The following ZDHHC13 variants were observed in gnomAD, a reference collection of about 807,000 sequenced individuals.
ZDHHC13 encodes the protein zDHHC palmitoyltransferase 13.
ZDHHC13 carries 85 observed loss-of-function variants against 86.0 expected under a neutral mutation model. The ratio of observed to expected loss-of-function variants is 0.99; its 90% CI spans 0.83 to 1.18. The LOEUF is 1.18. Among genes scored for constraint, ZDHHC13 ranks in the 50% most tolerant of loss-of-function variants. The pLI is 0.00. For missense variants in ZDHHC13, 711 were observed against 730.2 expected (o/e 0.97, Z 0.30); for synonymous variants, 263 against 246.4 (o/e 1.07, Z -0.63).
At chr11:19,144,759 G>A (rs1242238904) in intron 2 of ZDHHC13, among the ~76,000 whole-genome samples, 1 of 152,116 alleles carries the variant, frequency 6.6e-6, no homozygotes, top group African/African-American at 2.4e-5. Context: ...GAACTTTCAG[G>A]TAGTTTTAAG....
chr11:19,175,762 G>A (rs546543970), intron 16 of ZDHHC13, 60 bp from the exon 17 acceptor site: 2 of 1,579,070 alleles, frequency 1.3e-6, no homozygotes, highest in East Asian at 2.2e-5. Flanking sequence ...CTCCATAAAT[G>A]TTTGTCAAGC....
Position 19,137,110 on chromosome 11 carries a change from G to A in ZDHHC13, c.28-5868G>A, listed in dbSNP as rs1176887554. On this transcript the variant is annotated intron_variant, in intron 1 of 16. Transcript: ENST00000446113. ...ATGGACTAAATGCTCCAATTAAAAG[G>A]CACAGACTGGCAAATTGGATAAAGA... Among the ~76,000 whole-genome samples, 831 of 151,752 alleles carry A rather than the reference G, an allele frequency of 5.5e-3. 8 individuals carry two copies. Among genetic ancestry groups the A allele is most frequent in the African/African-American group, 0.019 (780 of 41,112 alleles).
Position 19,146,162 on chromosome 11 carries a change from T to A in ZDHHC13, c.174-19T>A, listed in dbSNP as rs765041294. ...TGATTTTAATTGTATCAATTATGCT[T>A]TTTTTTTTCTTCTTTGAGATACGGA... On this transcript the variant is annotated intron_variant, in intron 2 of 16. Transcript: ENST00000446113. The A allele has an allele frequency of 5.8e-6, 9 of 1,543,120 alleles. No homozygotes were observed. The African/African-American group carries it at 1.3e-4, about 22-fold the overall frequency.
intron 5 of ZDHHC13, among the ~76,000 whole-genome samples, 181 bp from the exon 6 acceptor site, chr11:19,150,546 G>A (rs1042220788): frequency 2.0e-5 from 3 of 151,974 alleles, no homozygotes; most frequent in African/African-American, 7.2e-5. Context: ...ATATTCTGTG[G>A]AAATCCATGG....
intron 10 of ZDHHC13, among the ~76,000 whole-genome samples, chr11:19,162,609 A>G (rs955273312): frequency 6.6e-6 from 1 of 152,098 alleles, no homozygotes; most frequent in Non-Finnish European, 1.5e-5. Flanking sequence ...CTTCTATGTG[A>G]GGTGATAGGG....
Position 19,133,940 on chromosome 11 carries a change from T to TACAC in ZDHHC13, c.28-9037_28-9036insCACA, listed in dbSNP as rs1157763729. Among the ~76,000 whole-genome samples, 126 of 73,898 alleles carry TACAC rather than the reference T, an allele frequency of 1.7e-3. 3 individuals carry two copies. The highest frequency in any genetic ancestry group is 4.0e-3 in the Non-Finnish European group (100 of 25,090). 48.5% of individuals were successfully genotyped at this position (73,898 alleles called of 152,430 possible). ...AAGTCCATATATATATATATATATA[T>TACAC]ATACACGTATGTGTTTTATATACTT... On this transcript the variant is annotated intron_variant, in intron 1 of 16. Coordinates refer to ENST00000446113, the MANE Select transcript of ZDHHC13 (RefSeq NM_019028.3).
chr11:19,131,823 G>C (rs1273617171), intron 1 of ZDHHC13, among the ~76,000 whole-genome samples: 1 of 151,964 alleles, frequency 6.6e-6, no homozygotes, highest in Admixed American at 6.6e-5. Context: ...TAGTAGAGAC[G>C]GGGTTTCACC....
chr11:19,170,411 A>G lies in ZDHHC13; in HGVS notation c.1475A>G (p.Tyr492Cys), dbSNP rs1457732294. ...CGWIIYGSFI[Y>C]LSSHCATTFK... ...TTTTTTTTTTTTGGTGAATTCACAG[A>G]TTTGTCCAGTCATTGTGCCACAACA... Residue 492 changes from tyrosine (Y) to cysteine (C), a missense_variant and splice_region_variant, in exon 15 of 17, where the codon TAT (tyrosine) becomes TGT (cysteine). By Grantham distance (194) the Tyr-to-Cys change is radical (BLOSUM62 -2). Coordinates refer to ENST00000446113, the MANE Select transcript of ZDHHC13 (RefSeq NM_019028.3). 3.6e-6 allele frequency: 5 copies of G among 1,391,844 alleles called. No homozygotes were observed. The highest frequency in any genetic ancestry group is 3.0e-5 in the East Asian group (1 of 32,950). 86.2% of individuals were successfully genotyped at this position (1,391,844 alleles called of 1,614,324 possible).
chr11:19,150,099 A>C (rs2133423702), intron 5 of ZDHHC13, among the ~76,000 whole-genome samples: 1 of 152,302 alleles, frequency 6.6e-6, no homozygotes, highest in African/African-American at 2.4e-5. Context: ...GCCCATAAGA[A>C]TCTTCAGAAG....
Position 19,152,250 on chromosome 11 carries a change from C to G in ZDHHC13, c.677C>G (p.Ala226Gly), listed in dbSNP as rs568463907. 2.5e-6 allele frequency: 4 copies of G among 1,613,336 alleles called. No individual in the cohort carries two copies. The highest frequency in any genetic ancestry group is 2.7e-5 in the African/African-American group (2 of 75,008). ...HQNTPLHWAVAAGNVNAVDKL... is the reference protein window; with the variant it reads ...HQNTPLHWAVGAGNVNAVDKL... ...AACACTCCACTTCACTGGGCAGTTGCAGCAGGAAATGTTAATGCAGTTGAT... is the reference window on the plus strand; with the variant it reads ...AACACTCCACTTCACTGGGCAGTTGGAGCAGGAAATGTTAATGCAGTTGAT... The change falls in exon 7 of 17, where the codon GCA (alanine) becomes GGA (glycine). Residue 226 changes from alanine to glycine, a missense_variant. By Grantham distance (60) the Ala-to-Gly change is moderately conservative. Transcript: ENST00000446113.
At chr11:19,124,232 G>T (rs772644375) in intron 1 of ZDHHC13, among the ~76,000 whole-genome samples, 1 of 152,012 alleles carries the variant, frequency 6.6e-6, no homozygotes, top group African/African-American at 2.4e-5. Context: ...AAAGCAAGTT[G>T]AAGAATAATG....
In ZDHHC13 at chr11:19,144,432, AGTGTGTGTGTGTGT is replaced by A. The variant is rs142248923; in HGVS notation, c.173+1330_173+1343del. ...CTGGGAAGGGCATAGAGAGCTATGGAGTGTGTGTGTGTGTGTGTGTGTGTGTGTGTGTGTTTTCT... is the reference window on the plus strand; with the variant it reads ...CTGGGAAGGGCATAGAGAGCTATGGAGTGTGTGTGTGTGTGTGTGTTTTCT... On this transcript the variant is annotated intron_variant, in intron 2 of 16. Transcript: ENST00000446113. 1.4e-4 allele frequency among the ~76,000 whole-genome samples: 20 copies of A among 143,174 alleles called. No homozygotes were observed. The East Asian group carries it at 3.9e-3, about 28-fold the overall frequency. The allele number at this position is 143,174 out of a possible 152,430, so 93.9% of individuals were successfully genotyped here.
In ZDHHC13 at chr11:19,155,929, G is replaced by A; in HGVS notation, c.1007G>A (p.Arg336Lys). Residue 336 changes from arginine to lysine, a missense_variant and splice_region_variant, in exon 9 of 17, where the codon AGG becomes AAG. By Grantham distance (26) the Arg-to-Lys change is conservative. Coordinates refer to ENST00000446113, the MANE Select transcript of ZDHHC13 (RefSeq NM_019028.3). Reference protein sequence around the residue: ...TLFFLTSLFPRFLVGYKNLVY... With the variant: ...TLFFLTSLFPKFLVGYKNLVY... Reference sequence around the variant, plus strand: ...TTTTTTCTGACATCTTTGTTTCCAAGGTGTGTATGTTAATTTTTGCAAGGC... The same window carrying A: ...TTTTTTCTGACATCTTTGTTTCCAAAGTGTGTATGTTAATTTTTGCAAGGC... 1 of 1,597,568 alleles carries A rather than the reference G, an allele frequency of 6.3e-7. No homozygotes were observed. Among genetic ancestry groups the A allele is most frequent in the Non-Finnish European group, 8.5e-7 (1 of 1,176,190 alleles).
chr11:19,164,400 G>A, intron 12 of ZDHHC13, 37 bp downstream of exon 12: 6 of 1,591,482 alleles, frequency 3.8e-6, no homozygotes, highest in Non-Finnish European at 5.2e-6. Flanking sequence ...CGTAGTGAAA[G>A]CAAAGTCTTG....
At chr11:19,160,553 A>G (rs1849881801) in intron 10 of ZDHHC13, among the ~76,000 whole-genome samples, 1 of 151,994 alleles carries the variant, frequency 6.6e-6, no homozygotes, top group South Asian at 2.1e-4. Flanking sequence ...ACCAATCCAT[A>G]TGGCAGTGGA....
At chr11:19,169,805 C>G (rs1387861944) in intron 14 of ZDHHC13, 12 of 985,512 alleles carry the variant, frequency 1.2e-5, no homozygotes, top group Non-Finnish European at 1.4e-5. Flanking sequence ...TGAGCTGTGA[C>G]CATCTGAATC....
intron 16 of ZDHHC13, among the ~76,000 whole-genome samples, chr11:19,175,084 G>C (rs979178728): frequency 6.6e-6 from 1 of 152,070 alleles, no homozygotes; most frequent in African/African-American, 2.4e-5. Context: ...TTCATTTAGA[G>C]AGTTACTTAT....
At chr11:19,126,476 A>T (rs1848880027) in intron 1 of ZDHHC13, among the ~76,000 whole-genome samples, 1 of 142,142 alleles carries the variant, frequency 7.0e-6, no homozygotes, top group Non-Finnish European at 1.5e-5. Flanking sequence ...AACTGGAACT[A>T]TAGGCACATA....
At position 19,143,136 on chromosome 11, in the gene ZDHHC13, A is replaced by G. The variant is rs771935411; in HGVS notation, c.173+13A>G. On this transcript the variant is annotated intron_variant, in intron 2 of 16. Transcript: ENST00000446113. Reference sequence around the variant, plus strand: ...TCAAAGCTACTCAGTAAGTCTTCCAAATGCTTTGGTTTATCCTTATGTTCT... The same window carrying G: ...TCAAAGCTACTCAGTAAGTCTTCCAGATGCTTTGGTTTATCCTTATGTTCT... 4 of 1,608,276 alleles carry G rather than the reference A, an allele frequency of 2.5e-6. No homozygotes were observed. The South Asian group carries it at 3.3e-5, about 13-fold the overall frequency.
Sources: gnomAD v4.1 joint callset for allele counts (sites outside exome capture counted in the v4.1 genomes callset) on GRCh38, gnomAD v4.1.1 for gene constraint, MANE v1.5 for transcripts, NCBI Gene and HGNC (gene_info 2026-07-23, HGNC 2026-07-21) for gene names.